The following MAML2 variants were observed in gnomAD, a reference collection of about 807,000 sequenced individuals.
MAML2 encodes the protein mastermind like transcriptional coactivator 2.
Under a neutral mutation model 96.1 loss-of-function variants are expected in MAML2, and 22 were observed. The ratio of observed to expected loss-of-function variants is 0.23; its 90% CI spans 0.16 to 0.33. MAML2 has a LOEUF of 0.33. Among genes scored for constraint, MAML2 ranks in the 10% least tolerant of loss-of-function variants. The probability of loss-of-function intolerance (pLI) is 1.00; values close to 1 mark genes in which losing one functional copy is unlikely to be tolerated. For synonymous variants in MAML2, 561 were observed against 521.3 expected, an observed-to-expected ratio of 1.08 and a Z score of -1.04; for missense variants, 1,367 against 1,392.4, an observed-to-expected ratio of 0.98 and a Z score of 0.29.
chr11:96,052,452 G>A (rs1466646984), intron 2 of MAML2, among the ~76,000 whole-genome samples: 5 of 152,278 alleles, frequency 3.3e-5, no homozygotes, highest in South Asian at 2.1e-4. Flanking sequence ...ATAAGTAAGA[G>A]AGTCAGGAGC....
chr11:96,155,745 G>A (rs915285456), intron 1 of MAML2, among the ~76,000 whole-genome samples: 39 of 151,308 alleles, frequency 2.6e-4, no homozygotes, highest in African/African-American at 9.2e-4. Flanking sequence ...CCTTGAATGT[G>A]TACATTCCAG....
At chr11:96,076,972 T>C (rs1468778400) in intron 2 of MAML2, among the ~76,000 whole-genome samples, 3 of 152,040 alleles carry the variant, frequency 2.0e-5, no homozygotes, top group Non-Finnish European at 4.4e-5. Context: ...ATAGCAAAAT[T>C]GGGCCCTCCA....
At chr11:96,215,699 C>T (rs1862039143) in intron 1 of MAML2, among the ~76,000 whole-genome samples, 1 of 152,000 alleles carries the variant, frequency 6.6e-6, no homozygotes. Flanking sequence ...TGCACTTCCT[C>T]CTCCACACCT....
intron 2 of MAML2, among the ~76,000 whole-genome samples, chr11:96,050,975 A>T (rs1341818542): frequency 6.6e-6 from 1 of 152,200 alleles, no homozygotes; most frequent in African/African-American, 2.4e-5. Flanking sequence ...GTCAAATGTG[A>T]TGTGTGATAG....
chr11:96,098,999 C>T (rs1320265364), intron 1 of MAML2, among the ~76,000 whole-genome samples: 2 of 151,644 alleles, frequency 1.3e-5, no homozygotes, highest in Non-Finnish European at 2.9e-5. Context: ...TCTTTGTCTC[C>T]GGTGCTGCCC....
chr11:96,261,339 C>A (rs1342528685), intron 1 of MAML2, among the ~76,000 whole-genome samples: 1 of 151,970 alleles, frequency 6.6e-6, no homozygotes, highest in Admixed American at 6.6e-5. Context: ...GACCTCTCAG[C>A]CTCCATAACT....
chr11:95,984,694 A>G (rs535432761), intron 4 of MAML2, among the ~76,000 whole-genome samples: 1 of 152,338 alleles, frequency 6.6e-6, no homozygotes, highest in Admixed American at 6.5e-5. Flanking sequence ...GGAAGTATTT[A>G]TAAAATAGGG....
intron 2 of MAML2, among the ~76,000 whole-genome samples, chr11:96,029,631 T>A (rs1565193940): frequency 6.6e-6 from 1 of 152,170 alleles, no homozygotes; most frequent in Non-Finnish European, 1.5e-5. Flanking sequence ...TGTGTTAACA[T>A]CTCTCACCTG....
chr11:96,088,249 C>G (rs779866792), intron 2 of MAML2, among the ~76,000 whole-genome samples: 12 of 152,184 alleles, frequency 7.9e-5, no homozygotes, highest in African/African-American at 1.2e-4. Context: ...AACAAACCAT[C>G]CATTCACTGG....
chr11:96,271,855 C>T, intron 1 of MAML2, among the ~76,000 whole-genome samples: 1 of 152,202 alleles, frequency 6.6e-6, no homozygotes, highest in East Asian at 1.9e-4. Flanking sequence ...TGCAACCTGC[C>T]TCCAAGACCG....
intron 1 of MAML2, among the ~76,000 whole-genome samples, chr11:96,245,175 AG>A (rs780587520): frequency 7.3e-5 from 11 of 151,712 alleles, no homozygotes; most frequent in Non-Finnish European, 1.5e-4. Context: ...AAATTAATTC[AG>A]GGAGCCTTCA....
chr11:96,287,245 G>A (rs1377114121), intron 1 of MAML2, among the ~76,000 whole-genome samples: 1 of 152,152 alleles, frequency 6.6e-6, no homozygotes, highest in Admixed American at 6.5e-5. Context: ...GATTAATAAC[G>A]TCTGCTAAAC....
intron 1 of MAML2, among the ~76,000 whole-genome samples, chr11:96,097,783 A>T (rs115752732): frequency 6.6e-6 from 1 of 152,186 alleles, no homozygotes; most frequent in African/African-American, 2.4e-5. Context: ...TAACTATTGT[A>T]TACTGAAGGC....
At chr11:96,205,896 C>T (rs1405248767) in intron 1 of MAML2, among the ~76,000 whole-genome samples, 2 of 152,188 alleles carry the variant, frequency 1.3e-5, no homozygotes, top group African/African-American at 4.8e-5. Flanking sequence ...TGTTTCTGCA[C>T]TTTGTTTTCA....
chr11:96,077,155 C>G (rs1245008686), intron 2 of MAML2, among the ~76,000 whole-genome samples: 1 of 147,378 alleles, frequency 6.8e-6, no homozygotes, highest in African/African-American at 2.5e-5. Context: ...TTTTTTGGCT[C>G]AAATTTCCTT....
chr11:96,131,957 C>A (rs927282405), intron 1 of MAML2, among the ~76,000 whole-genome samples: 9 of 152,126 alleles, frequency 5.9e-5, no homozygotes, highest in African/African-American at 1.7e-4. Context: ...TTGCAGTGAG[C>A]CGAGACTGTG....
Position 95,997,931 on chromosome 11 carries a change from CAT to C in MAML2, c.2140-6210_2140-6209del, listed in dbSNP as rs555606989. 9.1e-4 allele frequency among the ~76,000 whole-genome samples: 138 copies of C among 151,134 alleles called. 1 individual carries two copies. Among genetic ancestry groups the C allele is most frequent in the African/African-American group, 3.2e-3 (132 of 41,198 alleles). On this transcript the variant is annotated intron_variant, in intron 2 of 4. Transcript: ENST00000524717. Reference sequence around the variant, plus strand: ...AGTAGTGAAGATCTCATAATACAGTCATATATATATATATTTTTAAAATGTTT... The same window carrying C: ...AGTAGTGAAGATCTCATAATACAGTCATATATATATATTTTTAAAATGTTT...
At chr11:96,112,402 C>T (rs1241245320) in intron 1 of MAML2, among the ~76,000 whole-genome samples, 1 of 152,260 alleles carries the variant, frequency 6.6e-6, no homozygotes, top group African/African-American at 2.4e-5. Context: ...GCCTGCCTCT[C>T]AGAGGCCCTG....
chr11:96,121,330 A>G (rs1860336658), intron 1 of MAML2, among the ~76,000 whole-genome samples: 1 of 152,172 alleles, frequency 6.6e-6, no homozygotes, highest in African/African-American at 2.4e-5. Flanking sequence ...TAGACGTTCA[A>G]TATTTGTTCA....
Sources: allele counts gnomAD v4.1 joint callset (sites outside exome capture counted in the v4.1 genomes callset), GRCh38; gene constraint gnomAD v4.1.1; transcripts MANE v1.5; gene names NCBI Gene and HGNC (gene_info 2026-07-23, HGNC 2026-07-21).